The following TADA2A variants were observed in gnomAD, a reference collection of about 807,000 sequenced individuals.
The protein encoded by TADA2A is transcriptional adapter 2-alpha.
In TADA2A, 38 loss-of-function variants were observed where a neutral mutation model predicts 67.4. The observed-to-expected ratio is 0.56, with a 90% CI of 0.44 to 0.74. TADA2A has a LOEUF of 0.74. Among genes scored for constraint, TADA2A ranks in the 30% least tolerant of loss-of-function variants. The probability of loss-of-function intolerance (pLI) is 0.00; values close to 1 mark genes in which losing one functional copy is unlikely to be tolerated. For missense variants in TADA2A, 454 were observed against 547.0 expected (o/e 0.83, Z 1.70); for synonymous variants, 192 against 181.6 (o/e 1.06, Z -0.46).
In TADA2A at chr17:37,458,605, T is replaced by G. The variant is rs2148015482; in HGVS notation, c.668+18T>G. On this transcript the variant is annotated intron_variant, in intron 9 of 15. Transcript: ENST00000615182. The stretch of plus-strand genomic sequence containing the variant: ...CGAAAAAAGTAAGTATAAAAAACCA[T>G]CCTGGCCTCCTTTCAGCTTTGGATT... 6.2e-7 allele frequency: 1 copy of G among 1,604,076 alleles called. No homozygotes were observed. The highest frequency in any genetic ancestry group is 2.2e-5 in the East Asian group (1 of 44,720).
chr17:37,475,349 G>A (rs1403998567), intron 15 of TADA2A, among the ~76,000 whole-genome samples: 1 of 151,864 alleles, frequency 6.6e-6, no homozygotes, highest in Non-Finnish European at 1.5e-5. Context: ...GCTAATTTTT[G>A]TAGTTTTTAG....
intron 2 of TADA2A, among the ~76,000 whole-genome samples, chr17:37,412,038 G>A (rs1263567109): frequency 2.0e-5 from 3 of 150,866 alleles, no homozygotes; most frequent in Non-Finnish European, 3.0e-5. Flanking sequence ...GTGAAATCCC[G>A]TCTCCAGTAA....
At chr17:37,452,596 C>T (rs569531779) in intron 8 of TADA2A, among the ~76,000 whole-genome samples, 139 of 152,298 alleles carry the variant, frequency 9.1e-4, no homozygotes, top group African/African-American at 3.1e-3. Flanking sequence ...CTACCCACCA[C>T]TTCTACCACA....
chr17:37,437,484 TCA>T (rs1276882845), intron 4 of TADA2A, among the ~76,000 whole-genome samples: 2 of 151,894 alleles, frequency 1.3e-5, no homozygotes, highest in Non-Finnish European at 2.9e-5. Context: ...CTTCCGCAGT[TCA>T]AGTGATTCTC....
chr17:37,420,992 T>C (rs1214100763), intron 2 of TADA2A, among the ~76,000 whole-genome samples: 1 of 146,844 alleles, frequency 6.8e-6, no homozygotes, highest in Non-Finnish European at 1.5e-5. Flanking sequence ...GAGTTTGGAT[T>C]GTACTCCTTG....
intron 12 of TADA2A, among the ~76,000 whole-genome samples, chr17:37,469,916 T>C (rs536131148): frequency 6.6e-6 from 1 of 152,358 alleles, no homozygotes; most frequent in African/African-American, 2.4e-5. Context: ...TTTGGTTTCC[T>C]GATATTGGCT....
intron 8 of TADA2A, among the ~76,000 whole-genome samples, chr17:37,448,609 A>G (rs1363406930): frequency 6.6e-6 from 1 of 152,140 alleles, no homozygotes; most frequent in African/African-American, 2.4e-5. Context: ...TTTCATTTGT[A>G]AAAATTCTTC....
At chr17:37,430,762 A>T (rs898355933) in intron 4 of TADA2A, among the ~76,000 whole-genome samples, 9 of 152,222 alleles carry the variant, frequency 5.9e-5, no homozygotes, top group Admixed American at 2.0e-4. Context: ...TGTGTCTGTG[A>T]TGTAGAAAGT....
At chr17:37,471,990 T>C (rs1033836711) in intron 14 of TADA2A, among the ~76,000 whole-genome samples, 2 of 152,086 alleles carry the variant, frequency 1.3e-5, no homozygotes, top group African/African-American at 4.8e-5. Context: ...CCTTGGTGAT[T>C]GGTAATCGAT....
chr17:37,435,130 C>T (rs2147953720), intron 4 of TADA2A, among the ~76,000 whole-genome samples: 1 of 152,320 alleles, frequency 6.6e-6, no homozygotes, highest in South Asian at 2.1e-4. Context: ...CTTGTAATCC[C>T]AGCTACTCAT....
chr17:37,433,535 T>C (rs1044446113), intron 4 of TADA2A, among the ~76,000 whole-genome samples: 4 of 151,900 alleles, frequency 2.6e-5, no homozygotes, highest in Admixed American at 2.6e-4. Context: ...TGCACATGCT[T>C]ATATTCTTAG....
Position 37,465,479 on chromosome 17 carries a change from T to A in TADA2A, c.761T>A (p.Met254Lys). 6.2e-7 allele frequency: 1 copy of A among 1,614,048 alleles called. No homozygotes were observed. Among genetic ancestry groups the A allele is most frequent in the Non-Finnish European group, 8.5e-7 (1 of 1,180,028 alleles). The change falls in exon 11 of 16, where the codon ATG (methionine) becomes AAG (lysine). Residue 254 changes from methionine (M) to lysine (K), a missense_variant. Coordinates refer to ENST00000615182, the MANE Select transcript of TADA2A (RefSeq NM_001166105.3). Reference protein sequence around the residue: ...PKEVQDLYETMRRFARIVGPV... With the variant: ...PKEVQDLYETKRRFARIVGPV... ...GAGGTCCAGGACCTGTATGAAACAA[T>A]GAGGCGATTTGCAAGAATTGTGGGG...
chr17:37,469,067 AT>A (rs1237544917), intron 12 of TADA2A, among the ~76,000 whole-genome samples: 40 of 145,156 alleles, frequency 2.8e-4, no homozygotes, highest in Non-Finnish European at 2.0e-4. Context: ...TACCCGGCTA[AT>A]TTTTTTTTTT....
chr17:37,463,892 G>A (rs1043718696), intron 10 of TADA2A, among the ~76,000 whole-genome samples: 23 of 152,022 alleles, frequency 1.5e-4, no homozygotes, highest in Non-Finnish European at 2.9e-4. Flanking sequence ...GGCGGAGGTC[G>A]CAGTGAGCCA....
At chr17:37,458,304 T>C (rs2148014707) in intron 8 of TADA2A, among the ~76,000 whole-genome samples, 1 of 152,330 alleles carries the variant, frequency 6.6e-6, no homozygotes, top group African/African-American at 2.4e-5. Context: ...ATCTGAGTAA[T>C]GCCATAAGAT....
intron 4 of TADA2A, among the ~76,000 whole-genome samples, chr17:37,432,808 C>T (rs1353625625): frequency 6.6e-6 from 1 of 152,086 alleles, no homozygotes; most frequent in Non-Finnish European, 1.5e-5. Context: ...CATTTTACAC[C>T]TCTGTCGACA....
chr17:37,466,147 G>A (rs574750958), intron 11 of TADA2A, among the ~76,000 whole-genome samples: 3 of 152,278 alleles, frequency 2.0e-5, no homozygotes, highest in South Asian at 2.1e-4. Context: ...GAGGCCGGGC[G>A]TGGTGGCTCA....
chr17:37,432,002 T>C (rs2052582496), intron 4 of TADA2A, among the ~76,000 whole-genome samples: 1 of 152,202 alleles, frequency 6.6e-6, no homozygotes. Context: ...AGGCTTAATA[T>C]CTAAAACCCT....
intron 6 of TADA2A, 94 bp from the exon 7 acceptor site, chr17:37,442,470 C>A: frequency 1.0e-6 from 1 of 956,360 alleles, no homozygotes; most frequent in Non-Finnish European, 1.5e-6. Flanking sequence ...TTTATAAAAA[C>A]CATTTTAAAT....
Sources: allele counts gnomAD v4.1 joint callset (sites outside exome capture counted in the v4.1 genomes callset), GRCh38; gene constraint gnomAD v4.1.1; transcripts MANE v1.5; gene names NCBI Gene and HGNC (gene_info 2026-07-23, HGNC 2026-07-21).